Variants in CTNNA2 observed in about 807,000 individuals in gnomAD.
The protein encoded by CTNNA2 is catenin alpha 2.
CTNNA2 carries 42 observed loss-of-function variants against 101.0 expected under a neutral mutation model. The observed-to-expected ratio is 0.42, with a 90% CI of 0.32 to 0.54. CTNNA2 has a LOEUF of 0.54. Ranked by LOEUF, CTNNA2 falls within the 20% of genes least tolerant of loss-of-function variation. The pLI is 0.14. For missense variants in CTNNA2, 871 were observed against 1,223.1 expected (o/e 0.71, Z 4.29); for synonymous variants, 450 against 456.4 (o/e 0.99, Z 0.18).
chr2:79,351,927 C>T (rs548131418), intron 3 of CTNNA2, among the ~76,000 whole-genome samples: 1 of 152,078 alleles, frequency 6.6e-6, no homozygotes, highest in Non-Finnish European at 1.5e-5. Flanking sequence ...GATAAAATCA[C>T]TTATTTTCCT....
chr2:80,455,884 A>G (rs77937460), intron 9 of CTNNA2, among the ~76,000 whole-genome samples: 2,302 of 152,260 alleles, frequency 0.015, 60 homozygotes, highest in African/African-American at 0.051. Context: ...AATCTTCGAA[A>G]CAAGCCTGTG....
rs906977039 is a variant in CTNNA2, at chr2:80,574,864, T to G, written c.1893+550T>G. 7.9e-5 allele frequency among the ~76,000 whole-genome samples: 12 copies of G among 152,300 alleles called. 1 individual carries two copies. In the Middle Eastern group the frequency reaches 0.014, roughly 173 times the overall value. ...CTTCAGACTTCTGTTGTTAGGTAGG[T>G]GTGTCTTCCAAAATGTTGTCTAAAT... is the stretch of plus-strand genomic sequence containing the variant. On this transcript the variant is annotated intron_variant, in intron 13 of 18. Coordinates refer to ENST00000402739, the MANE Select transcript of CTNNA2 (RefSeq NM_001282597.3).
chr2:79,858,005 T>C lies in CTNNA2; in HGVS notation c.299-8T>C. 6.2e-7 allele frequency: 1 copy of C among 1,607,520 alleles called. No individual in the cohort carries two copies. The highest frequency in any genetic ancestry group is 8.5e-7 in the Non-Finnish European group (1 of 1,174,488). ...CTACCCACCTGCCTCTCCGTGTCTG[T>C]CTTCCAGGTGAGACGATGCGGATCG... On this transcript the variant is annotated splice_polypyrimidine_tract_variant and splice_region_variant and intron_variant, in intron 3 of 18. Transcript: ENST00000402739.
intron 18 of CTNNA2, among the ~76,000 whole-genome samples, chr2:80,645,994 A>T (rs910799160): frequency 1.3e-5 from 2 of 152,180 alleles, no homozygotes; most frequent in Admixed American, 1.3e-4. Context: ...ACAGCGCAAC[A>T]TTAATTTAGC....
chr2:79,198,495 A>T (rs1486862227), intron 2 of CTNNA2, among the ~76,000 whole-genome samples: 1 of 152,336 alleles, frequency 6.6e-6, no homozygotes, highest in Non-Finnish European at 1.5e-5. Context: ...ATAAACCAGC[A>T]TTAGTTATTT....
chr2:79,720,178 A>G (rs1440927148), intron 2 of CTNNA2, among the ~76,000 whole-genome samples: 1 of 151,828 alleles, frequency 6.6e-6, no homozygotes. Context: ...GCTTTTGTTG[A>G]CCTTGAGGAA....
At chr2:79,862,247 C>G (rs1681681582) in intron 4 of CTNNA2, among the ~76,000 whole-genome samples, 1 of 152,090 alleles carries the variant, frequency 6.6e-6, no homozygotes, top group African/African-American at 2.4e-5. Context: ...AAAATAGCAA[C>G]CCTTAGTCAG....
chr2:79,299,832 G>A (rs1020110644), intron 2 of CTNNA2, among the ~76,000 whole-genome samples: 4 of 152,232 alleles, frequency 2.6e-5, no homozygotes, highest in Non-Finnish European at 5.9e-5. Context: ...GGATTGAGCT[G>A]AGGCTACTAT....
chr2:79,511,099 A>AT (rs1293071545), upstream of CTNNA2, among the ~76,000 whole-genome samples: 4 of 152,154 alleles, frequency 2.6e-5, no homozygotes, highest in Non-Finnish European at 2.9e-5. Flanking sequence ...CACAATAATC[A>AT]TTTTTTTAAA....
intron 7 of CTNNA2, among the ~76,000 whole-genome samples, chr2:80,368,517 T>C (rs1025476640): frequency 1.3e-5 from 2 of 152,022 alleles, no homozygotes; most frequent in Non-Finnish European, 2.9e-5. Context: ...CCATTTTTGC[T>C]TCAGTTTAGA....
chr2:79,226,277 C>A (rs140422386), intron 2 of CTNNA2, among the ~76,000 whole-genome samples: 5 of 152,202 alleles, frequency 3.3e-5, no homozygotes, highest in African/African-American at 1.2e-4. Flanking sequence ...ATTTATAGAT[C>A]TGCCTCTTGA....
Position 80,340,532 on chromosome 2 carries a change from C to G in CTNNA2, c.1057-52679C>G, listed in dbSNP as rs151025876. 2.1e-3 allele frequency among the ~76,000 whole-genome samples: 316 copies of G among 152,248 alleles called. 5 individuals carry two copies. In the South Asian group the frequency reaches 0.023, roughly 11 times the overall value. ...AATTGAGTCTCTTCCCATTTTATCT[C>G]TCATGAAAGAGAAACAACAAGGCTA... On this transcript the variant is annotated intron_variant, in intron 7 of 18. Coordinates refer to ENST00000402739, the MANE Select transcript of CTNNA2 (RefSeq NM_001282597.3).
At chr2:79,925,651 G>T (rs1381678827) in intron 7 of CTNNA2, among the ~76,000 whole-genome samples, 1 of 151,994 alleles carries the variant, frequency 6.6e-6, no homozygotes, top group Admixed American at 6.6e-5. Flanking sequence ...TGCATTTCAT[G>T]GAGCCTTAGG....
At chr2:80,277,853 C>G (rs1326599353) in intron 7 of CTNNA2, among the ~76,000 whole-genome samples, 4 of 152,190 alleles carry the variant, frequency 2.6e-5, no homozygotes, top group African/African-American at 7.2e-5. Context: ...GAGCCCTGTT[C>G]TGCCCTTCAT....
chr2:79,556,067 T>G (rs1275466470), intron 1 of CTNNA2, among the ~76,000 whole-genome samples: 6 of 152,106 alleles, frequency 3.9e-5, no homozygotes, highest in East Asian at 3.8e-4. Flanking sequence ...AATTTTCTGT[T>G]GCCTTATTTT....
rs145516840 is a variant in CTNNA2, at chr2:79,821,589, C to T, written c.299-36424C>T. Among the ~76,000 whole-genome samples the T allele has an allele frequency of 1.4e-3, 219 of 152,056 alleles. 1 individual carries two copies. The highest frequency in any genetic ancestry group is 5.0e-3 in the African/African-American group (207 of 41,488). On this transcript the variant is annotated intron_variant, in intron 3 of 18. Transcript: ENST00000402739. ...TTTTGAATGCATAAAATTAGTTGGA[C>T]GCTAGATATATAAAAATTAAAGAAT...
chr2:79,582,916 C>G (rs1573400704), intron 1 of CTNNA2, among the ~76,000 whole-genome samples: 2 of 152,180 alleles, frequency 1.3e-5, no homozygotes, highest in Admixed American at 1.3e-4. Flanking sequence ...CTTGCAGCCA[C>G]AAATCTGTTT....
chr2:80,643,428 A>G (rs1443640633), intron 18 of CTNNA2, among the ~76,000 whole-genome samples: 2 of 152,218 alleles, frequency 1.3e-5, no homozygotes, highest in African/African-American at 4.8e-5. Context: ...GAACTAGTTC[A>G]GAAAACAGCA....
intron 7 of CTNNA2, among the ~76,000 whole-genome samples, chr2:80,039,623 C>G (rs1279659121): frequency 6.6e-6 from 1 of 152,164 alleles, no homozygotes; most frequent in Non-Finnish European, 1.5e-5. Flanking sequence ...GATATTGGTC[C>G]TAAACGCTGA....
Sources: gnomAD v4.1 joint callset for allele counts (sites outside exome capture counted in the v4.1 genomes callset) on GRCh38, gnomAD v4.1.1 for gene constraint, MANE v1.5 for transcripts, NCBI Gene and HGNC (gene_info 2026-07-23, HGNC 2026-07-21) for gene names.